SUMF1: variants seen among roughly 807,000 people sequenced by gnomAD.
SUMF1 encodes the protein formylglycine-generating enzyme.
In SUMF1, 48 loss-of-function variants were observed where a neutral mutation model predicts 47.6. That is an observed-to-expected ratio of 1.01 (90% confidence interval 0.80 to 1.28). The LOEUF (loss-of-function observed/expected upper bound fraction) is 1.28. SUMF1 is among the 50% of genes most tolerant of loss of function. SUMF1 has a pLI of 0.00. For missense variants in SUMF1, 571 were observed against 485.4 expected (o/e 1.18, Z -1.66); for synonymous variants, 230 against 192.1 (o/e 1.20, Z -1.63).
chr3:4,069,765 C>T lies in SUMF1; in HGVS notation c.1015-1020G>A, dbSNP rs926361659. On this transcript the variant is annotated intron_variant and NMD_transcript_variant, in intron 8 of 12. Transcript: ENST00000448413. Reference sequence around the variant, plus strand: ...TATATATCATGACTTACTTTTCAATCTGACTCTGGAATACCATTATGAGAT... The same window carrying T: ...TATATATCATGACTTACTTTTCAATTTGACTCTGGAATACCATTATGAGAT... Among the ~76,000 whole-genome samples, 5 of 152,092 alleles carry T rather than the reference C, an allele frequency of 3.3e-5. No homozygotes were observed. In the East Asian group the frequency reaches 7.7e-4, roughly 23 times the overall value.
intron 7 of SUMF1, among the ~76,000 whole-genome samples, chr3:4,393,669 T>G (rs1231024113): frequency 6.6e-6 from 1 of 151,594 alleles, no homozygotes; most frequent in Non-Finnish European, 1.5e-5. Flanking sequence ...ATTATTATTT[T>G]TAATAATAGA....
chr3:4,265,830 C>T (rs1361938439), intron 8 of SUMF1, among the ~76,000 whole-genome samples: 1 of 152,170 alleles, frequency 6.6e-6, no homozygotes, highest in East Asian at 1.9e-4. Context: ...ATGGTAATGC[C>T]TAGGTTTTCT....
chr3:4,312,111 T>A (rs560696467), intron 8 of SUMF1, among the ~76,000 whole-genome samples: 3 of 152,328 alleles, frequency 2.0e-5, no homozygotes, highest in South Asian at 4.1e-4. Flanking sequence ...ATATCTTTAA[T>A]AAATTTAAAT....
chr3:4,113,659 C>G (rs563154480), intron 8 of SUMF1, among the ~76,000 whole-genome samples: 1 of 152,104 alleles, frequency 6.6e-6, no homozygotes, highest in South Asian at 2.1e-4. Flanking sequence ...GTGGTCAATA[C>G]TAAGAGAAAA....
At chr3:4,143,949 G>C (rs575967364) in intron 8 of SUMF1, among the ~76,000 whole-genome samples, 19 of 151,476 alleles carry the variant, frequency 1.3e-4, no homozygotes, top group Admixed American at 7.9e-4. Flanking sequence ...ACTGCAGCAG[G>C]CCATAGTGCC....
At chr3:4,231,152 G>T (rs907820205) in intron 8 of SUMF1, among the ~76,000 whole-genome samples, 1 of 152,074 alleles carries the variant, frequency 6.6e-6, no homozygotes, top group South Asian at 2.1e-4. Flanking sequence ...TGACTACAGA[G>T]CTGGCCTGCT....
intron 8 of SUMF1, among the ~76,000 whole-genome samples, chr3:4,085,283 G>T (rs1335943051): frequency 1.3e-5 from 2 of 152,116 alleles, no homozygotes; most frequent in African/African-American, 4.8e-5. Context: ...TGAGTCCCCA[G>T]AAAGGCAAGT....
At chr3:4,363,007 G>C (rs1699818037) in intron 8 of SUMF1, among the ~76,000 whole-genome samples, 1 of 152,036 alleles carries the variant, frequency 6.6e-6, no homozygotes, top group African/African-American at 2.4e-5. Context: ...CATGTGCCAA[G>C]AAGAAAAGAC....
intron 8 of SUMF1, among the ~76,000 whole-genome samples, chr3:4,094,069 G>A (rs1692846662): frequency 6.6e-6 from 1 of 152,074 alleles, no homozygotes; most frequent in South Asian, 2.1e-4. Flanking sequence ...AACTGATACA[G>A]AAAATAAATA....
At chr3:4,124,278 T>C (rs1306838096) in intron 8 of SUMF1, among the ~76,000 whole-genome samples, 1 of 152,112 alleles carries the variant, frequency 6.6e-6, no homozygotes, top group Non-Finnish European at 1.5e-5. Context: ...AGCATGCAAA[T>C]GCCCATTCAA....
intron 8 of SUMF1, among the ~76,000 whole-genome samples, chr3:4,287,377 G>A (rs1351926180): frequency 1.3e-5 from 2 of 150,496 alleles, no homozygotes; most frequent in Non-Finnish European, 2.9e-5. Context: ...TTTCCAAATA[G>A]CCATTTAGAA....
chr3:4,109,712 C>G (rs549471300), intron 8 of SUMF1, among the ~76,000 whole-genome samples: 2 of 152,202 alleles, frequency 1.3e-5, no homozygotes, highest in South Asian at 2.1e-4. Context: ...TCCAGTTGAT[C>G]GCATCGGCTC....
At chr3:4,142,300 A>G (rs896148662) in intron 8 of SUMF1, among the ~76,000 whole-genome samples, 6 of 152,130 alleles carry the variant, frequency 3.9e-5, no homozygotes, top group Admixed American at 6.5e-5. Context: ...AGTTTTGACA[A>G]TTCCATCACA....
chr3:4,107,592 T>C (rs1480592237), intron 8 of SUMF1, among the ~76,000 whole-genome samples: 1 of 152,122 alleles, frequency 6.6e-6, no homozygotes, highest in East Asian at 1.9e-4. Flanking sequence ...CCCACCTATC[T>C]GAATTGCCTG....
chr3:4,053,694 G>A (rs1350552249), intron 9 of SUMF1, among the ~76,000 whole-genome samples: 1 of 152,030 alleles, frequency 6.6e-6, no homozygotes, highest in Non-Finnish European at 1.5e-5. Flanking sequence ...AGGGTCATAA[G>A]GTTTTTGAAG....
At chr3:4,129,094 C>T (rs1401235319) in intron 8 of SUMF1, among the ~76,000 whole-genome samples, 1 of 152,132 alleles carries the variant, frequency 6.6e-6, no homozygotes, top group South Asian at 2.1e-4. Flanking sequence ...AAACCCTCGA[C>T]CAATGCCTTG....
chr3:4,313,646 G>T, intron 8 of SUMF1: 2 of 1,614,074 alleles, frequency 1.2e-6, no homozygotes, highest in Non-Finnish European at 1.7e-6. Flanking sequence ...CCTTTTGACA[G>T]TTCTCTGTAC....
chr3:4,275,890 T>A (rs776180632), intron 8 of SUMF1, among the ~76,000 whole-genome samples: 1 of 152,176 alleles, frequency 6.6e-6, no homozygotes, highest in Non-Finnish European at 1.5e-5. Flanking sequence ...AATAATCATA[T>A]TGGCCTGTTT....
intron 3 of SUMF1, among the ~76,000 whole-genome samples, chr3:4,445,608 G>C (rs904953715): frequency 2.6e-5 from 4 of 152,148 alleles, no homozygotes; most frequent in Non-Finnish European, 4.4e-5. Flanking sequence ...GCTTCCCAAA[G>C]TGCTGGGATT....
Sources: gnomAD v4.1 joint callset for allele counts (sites outside exome capture counted in the v4.1 genomes callset) on GRCh38, gnomAD v4.1.1 for gene constraint, MANE v1.5 for transcripts, NCBI Gene and HGNC (gene_info 2026-07-23, HGNC 2026-07-21) for gene names.